VENTX: variants seen among roughly 807,000 people sequenced by gnomAD.
The protein encoded by VENTX is homeobox protein VENTX.
A neutral mutation model predicts 10.5 loss-of-function variants in VENTX; 13 were observed. The observed-to-expected ratio is 1.23, with a 90% CI of 0.80 to 1.96. The LOEUF (loss-of-function observed/expected upper bound fraction) is 1.96. Ranked by LOEUF, VENTX falls within the 30% of genes most tolerant of loss-of-function variation. VENTX has a pLI of 0.00. For missense variants in VENTX, 400 were observed against 341.8 expected, an observed-to-expected ratio of 1.17 and a Z score of -1.34; for synonymous variants, 177 against 150.4, an observed-to-expected ratio of 1.18 and a Z score of -1.29.
rs1196746408 is a variant in VENTX at position 133,241,297 on chromosome 10, G to A, written c.*991G>A. ...CAGCCGGGACCTGCGGCTGTGCCTG[G>A]ACTGAAGCTGTCCCGCAGGTCCCCA... On this transcript the variant is annotated 3_prime_UTR_variant, in exon 3 of 3. Transcript: ENST00000325980. 2.0e-5 allele frequency: 3 copies of A among 153,522 alleles called. No individual in the cohort carries two copies. The highest frequency in any genetic ancestry group is 4.4e-5 in the Non-Finnish European group (3 of 68,226). The allele number at this position is 153,522 out of a possible 1,614,324, so 9.5% of individuals were successfully genotyped here. A position where few individuals can be genotyped will look rare whatever the true frequency, so the allele number is the denominator to read the frequency against.
In VENTX at chr10:133,237,859, T is replaced by A; in HGVS notation, c.-56T>A. On this transcript the variant is annotated 5_prime_UTR_variant, in exon 1 of 3. Coordinates refer to ENST00000325980, the MANE Select transcript of VENTX (RefSeq NM_014468.4). The stretch of plus-strand genomic sequence containing the variant: ...CGCCGCCGCCTGGCGAGGCCCGAGG[T>A]GGATCCTGCGCCTGGCCAGCCCCGC... The A allele has an allele frequency of 6.7e-7, 1 of 1,482,338 alleles. No homozygotes were observed. The highest frequency in any genetic ancestry group is 8.9e-7 in the Non-Finnish European group (1 of 1,121,800). The allele number at this position is 1,482,338 out of a possible 1,614,324, so 91.8% of individuals were successfully genotyped here. A position where few individuals can be genotyped will look rare whatever the true frequency, so the allele number is the denominator to read the frequency against.
intron 1 of VENTX, among the ~76,000 whole-genome samples, chr10:133,238,780 TTAAGG>T (rs1845889519): frequency 6.6e-6 from 1 of 152,258 alleles, no homozygotes; most frequent in Admixed American, 6.5e-5. Context: ...ACTTTTAGGT[TTAAGG>T]TAGTACTTGG....
chr10:133,239,554 G>A, intron 1 of VENTX, 122 bp from the exon 2 acceptor site: 1 of 1,239,062 alleles, frequency 8.1e-7, no homozygotes, highest in Middle Eastern at 2.8e-4. Context: ...GCTGGTCACT[G>A]TCAGGTGAGA....
At chr10:133,238,276 T>G in intron 1 of VENTX, 121 bp downstream of exon 1, 2 of 1,305,742 alleles carry the variant, frequency 1.5e-6, no homozygotes, top group East Asian at 2.7e-5. Context: ...GCCGGGGGCG[T>G]TTCCATGAGG....
In VENTX at chr10:133,239,790, T is replaced by G. The variant is rs1478237367; in HGVS notation, c.356T>G (p.Leu119Arg). 3 of 1,596,060 alleles carry G rather than the reference T, an allele frequency of 1.9e-6. No individual in the cohort carries two copies. Among genetic ancestry groups the G allele is most frequent in the South Asian group, 1.1e-5 (1 of 90,520 alleles). Residue 119 changes from leucine (L) to arginine (R), a missense_variant, in exon 2 of 3, where the codon CTG becomes CGG. Coordinates refer to ENST00000325980, the MANE Select transcript of VENTX (RefSeq NM_014468.4). ...VFQHHQYLSP[L>R]ERKRLAREMQ... ...CAGCACCACCAGTACCTGAGCCCTC[T>G]GGAGCGGAAGAGGCTGGCCAGGGAG...
chr10:133,239,536 G>T, intron 1 of VENTX, 140 bp from the exon 2 acceptor site: 3 of 1,002,902 alleles, frequency 3.0e-6, no homozygotes, highest in Non-Finnish European at 4.3e-6. Flanking sequence ...GGAGGCGGCG[G>T]GGGTGCTGCT....
At position 133,240,052 on chromosome 10, in the gene VENTX, G is replaced by A; in HGVS notation, c.523G>A (p.Gly175Ser). The part of the protein sequence containing the change: ...APPAFYSTSS[G>S]LANGLQLLCP... Reference sequence around the variant, plus strand: ...CCCAGCTTTCTACTCAACGTCTTCTGGCCTTGCCAATGGCCTGCAGCTGCT... The same window carrying A: ...CCCAGCTTTCTACTCAACGTCTTCTAGCCTTGCCAATGGCCTGCAGCTGCT... Residue 175 changes from glycine (G) to serine (S), a missense_variant, in exon 3 of 3, where the codon GGC (glycine) becomes AGC (serine). By Grantham distance (56) the Gly-to-Ser change is moderately conservative. Coordinates refer to ENST00000325980, the MANE Select transcript of VENTX (RefSeq NM_014468.4). 1.2e-6 allele frequency: 2 copies of A among 1,611,850 alleles called. No homozygotes were observed. Among genetic ancestry groups the A allele is most frequent in the Non-Finnish European group, 1.7e-6 (2 of 1,180,010 alleles).
At chr10:133,239,538 G>A in intron 1 of VENTX, 138 bp from the exon 2 acceptor site, 1 of 1,024,756 alleles carries the variant, frequency 9.8e-7, no homozygotes, top group South Asian at 1.6e-5. Flanking sequence ...AGGCGGCGGG[G>A]GTGCTGCTGG....
intron 1 of VENTX, 116 bp downstream of exon 1, chr10:133,238,271 G>GGGCGTTTCCATGAGGGCCGGC: frequency 7.4e-7 from 1 of 1,350,634 alleles, no homozygotes; most frequent in Non-Finnish European, 9.7e-7. Context: ...TCAGGGCCGG[G>GGGCGTTTCCATGAGGGCCGGC]GGCGTTTCCA....
At chr10:133,238,468 C>T (rs768078268) in intron 1 of VENTX, among the ~76,000 whole-genome samples, 1 of 152,154 alleles carries the variant, frequency 6.6e-6, no homozygotes, top group Non-Finnish European at 1.5e-5. Context: ...TCCAAGGGGT[C>T]CCCGTCCGCA....
At chr10:133,238,290 G>A (rs1845881288) in intron 1 of VENTX, 135 bp downstream of exon 1, 2 of 1,184,926 alleles carry the variant, frequency 1.7e-6, no homozygotes, top group Non-Finnish European at 2.2e-6. Context: ...CATGAGGGCC[G>A]GCGGAGGCCT....
Position 133,240,291 on chromosome 10 carries a change from G to T in VENTX, c.762G>T (p.Thr254=). 1 of 1,583,158 alleles carries T rather than the reference G, an allele frequency of 6.3e-7. No homozygotes were observed. The highest frequency in any genetic ancestry group is 1.4e-5 in the African/African-American group (1 of 74,042). ...GPRGLCAMPQ[T]GDAF is the part of the protein sequence containing the mutation. ...GGGGCCTGTGTGCTATGCCACAGAC[G>T]GGGGATGCATTTTGAGGAGGCACCT... The change falls in exon 3 of 3, where the codon ACG becomes ACT. Residue 254 remains threonine, a synonymous_variant. Transcript: ENST00000325980.
intron 1 of VENTX, 137 bp downstream of exon 1, chr10:133,238,292 C>T (rs1284451945): frequency 7.4e-5 from 87 of 1,175,488 alleles, no homozygotes; most frequent in Non-Finnish European, 9.6e-5. Flanking sequence ...TGAGGGCCGG[C>T]GGAGGCCTTG....
chr10:133,237,949 A>C lies in VENTX; in HGVS notation c.35A>C (p.Gln12Pro). The part of the protein sequence containing the change: ...RLSSSPPRGP[Q>P]QLSSFGSVDW... ...TCCTCCTCCCCACCTCGTGGCCCGC[A>C]GCAGCTCTCCAGCTTTGGCTCCGTG... Residue 12 changes from glutamine to proline, a missense_variant, in exon 1 of 3, where the codon CAG becomes CCG. By Grantham distance (76) the Gln-to-Pro change is moderately conservative. Coordinates refer to ENST00000325980, the MANE Select transcript of VENTX (RefSeq NM_014468.4). The C allele has an allele frequency of 6.3e-7, 1 of 1,597,828 alleles. No individual in the cohort carries two copies. The highest frequency in any genetic ancestry group is 8.5e-7 in the Non-Finnish European group (1 of 1,177,398).
At position 133,240,324 on chromosome 10, in the gene VENTX, CCA is replaced by C. The variant is rs772235224; in HGVS notation, c.*22_*23del. On this transcript the variant is annotated 3_prime_UTR_variant, in exon 3 of 3. Coordinates refer to ENST00000325980, the MANE Select transcript of VENTX (RefSeq NM_014468.4). ...CATTTTGAGGAGGCACCTCTGACTCCCACACTCGCGGTCTTGCTGATCGCACC... is the reference window on the plus strand; with the variant it reads ...CATTTTGAGGAGGCACCTCTGACTCCCACTCGCGGTCTTGCTGATCGCACC... 7 of 1,555,210 alleles carry C rather than the reference CCA, an allele frequency of 4.5e-6. No individual in the cohort carries two copies. In the East Asian group the frequency reaches 1.4e-4, roughly 30 times the overall value.
intron 1 of VENTX, among the ~76,000 whole-genome samples, 186 bp from the exon 2 acceptor site, chr10:133,239,490 G>GC (rs1004136076): frequency 2.0e-5 from 3 of 152,164 alleles, no homozygotes; most frequent in African/African-American, 4.8e-5. Flanking sequence ...CCCCTCTTGA[G>GC]CCCCCTCTCT....
Position 133,240,734 on chromosome 10 carries a change from G to A in VENTX, c.*428G>A, listed in dbSNP as rs1845925891. The A allele has an allele frequency of 6.6e-6, 1 of 151,620 alleles. No individual in the cohort carries two copies. Among genetic ancestry groups the A allele is most frequent in the Admixed American group, 6.6e-5 (1 of 15,202 alleles). The allele number at this position is 151,620 out of a possible 1,614,324, so 9.4% of individuals were successfully genotyped here. A position where few individuals can be genotyped will look rare whatever the true frequency, so the allele number is the denominator to read the frequency against. On this transcript the variant is annotated 3_prime_UTR_variant, in exon 3 of 3. Coordinates refer to ENST00000325980, the MANE Select transcript of VENTX (RefSeq NM_014468.4). Reference sequence around the variant, plus strand: ...AATTTTTTCTATTTTTAGTAGAAATGGGGTTTCACCATGTTAGCCAGGCTG... The same window carrying A: ...AATTTTTTCTATTTTTAGTAGAAATAGGGTTTCACCATGTTAGCCAGGCTG...
In VENTX at chr10:133,238,174, G is replaced by C. The variant is rs76544574; in HGVS notation, c.241+19G>C. ...ATGGCCGGTAGGTCCGGGTGGGGGGGGTCCCTTCCTTCCCAGGTGGAGATG... is the reference window on the plus strand; with the variant it reads ...ATGGCCGGTAGGTCCGGGTGGGGGGCGTCCCTTCCTTCCCAGGTGGAGATG... On this transcript the variant is annotated intron_variant, in intron 1 of 2. Transcript: ENST00000325980. 19 of 1,570,762 alleles carry C rather than the reference G, an allele frequency of 1.2e-5. No individual in the cohort carries two copies. In the African/African-American group the frequency reaches 1.4e-4, roughly 11 times the overall value.
chr10:133,240,020 A>G lies in VENTX; in HGVS notation c.491A>G (p.His164Arg), dbSNP rs1295756748. ...QLHSPFSGSL[H>R]APPAFYSTSS... ...CACAGCCCCTTCTCGGGGTCTCTCC[A>G]TGCGCCCCCAGCTTTCTACTCAACG... Residue 164 changes from histidine to arginine, a missense_variant, in exon 3 of 3, where the codon CAT becomes CGT. Coordinates refer to ENST00000325980, the MANE Select transcript of VENTX (RefSeq NM_014468.4). 1.2e-6 allele frequency: 2 copies of G among 1,612,048 alleles called. No homozygotes were observed. Among genetic ancestry groups the G allele is most frequent in the South Asian group, 1.1e-5 (1 of 91,008 alleles).
Sources: allele counts gnomAD v4.1 joint callset (sites outside exome capture counted in the v4.1 genomes callset), GRCh38; gene constraint gnomAD v4.1.1; transcripts MANE v1.5; gene names NCBI Gene and HGNC (gene_info 2026-07-23, HGNC 2026-07-21).